AP2A2: variants seen among roughly 807,000 people sequenced by gnomAD.
AP2A2 encodes the protein AP-2 complex subunit alpha-2.
AP2A2 carries 32 observed loss-of-function variants against 104.2 expected under a neutral mutation model. The ratio of observed to expected loss-of-function variants is 0.31; its 90% CI spans 0.23 to 0.41. The LOEUF is 0.41. AP2A2 is among the 10% of genes least tolerant of loss of function. The probability of loss-of-function intolerance (pLI) is 1.00; values close to 1 mark genes in which losing one functional copy is unlikely to be tolerated. For missense variants in AP2A2, 912 were observed against 1,261.0 expected (o/e 0.72, Z 4.19); for synonymous variants, 539 against 533.3 (o/e 1.01, Z -0.15).
intron 1 of AP2A2, among the ~76,000 whole-genome samples, chr11:952,076 C>G (rs1427703520): frequency 1.3e-5 from 2 of 152,158 alleles, no homozygotes; most frequent in Non-Finnish European, 2.9e-5. Context: ...CCTATGTTGC[C>G]TAGGCTGGTC....
intron 1 of AP2A2, among the ~76,000 whole-genome samples, chr11:928,803 C>T (rs1853200431): frequency 6.6e-6 from 1 of 152,212 alleles, no homozygotes; most frequent in Non-Finnish European, 1.5e-5. Context: ...AATCCTCTTT[C>T]CCTCATTGCT....
chr11:1,007,883 G>C, intron 17 of AP2A2, 129 bp from the exon 18 acceptor site: 2 of 1,371,978 alleles, frequency 1.5e-6, no homozygotes, highest in Non-Finnish European at 2.0e-6. Flanking sequence ...GGCTGCCCTC[G>C]ACCCGTAGCT....
chr11:977,593 C>T (rs2134655669), intron 5 of AP2A2, among the ~76,000 whole-genome samples: 1 of 151,518 alleles, frequency 6.6e-6, no homozygotes, highest in East Asian at 2.0e-4. Context: ...GTGCCTACTC[C>T]ACGGGCCAGG....
intron 14 of AP2A2, among the ~76,000 whole-genome samples, chr11:999,512 A>AG (rs1855959690): frequency 6.6e-6 from 1 of 152,150 alleles, no homozygotes; most frequent in South Asian, 2.1e-4. Flanking sequence ...AAACAAAAAC[A>AG]GAGACAGTCT....
intron 1 of AP2A2, among the ~76,000 whole-genome samples, chr11:934,228 G>A (rs1853382223): frequency 6.6e-6 from 1 of 152,140 alleles, no homozygotes. Context: ...AACACTTCTA[G>A]CCGGGGGTTT....
At chr11:1,004,018 G>A (rs553096261) in intron 16 of AP2A2, among the ~76,000 whole-genome samples, 2 of 151,946 alleles carry the variant, frequency 1.3e-5, no homozygotes, top group African/African-American at 2.4e-5. Context: ...AGGGGGTGGC[G>A]GGGAGGTGGG....
chr11:960,327 C>A (rs1192916982), intron 2 of AP2A2, among the ~76,000 whole-genome samples: 1 of 151,834 alleles, frequency 6.6e-6, no homozygotes, highest in East Asian at 1.9e-4. Context: ...ACCGCAACCT[C>A]CGCCTTCCAG....
intron 21 of AP2A2, chr11:1,010,054 C>T (rs1856368570): frequency 1.8e-6 from 1 of 544,904 alleles, no homozygotes; most frequent in Admixed American, 3.1e-5. Flanking sequence ...GTTTAACCAC[C>T]ACCCTGTCAA....
chr11:1,009,289 G>T lies in AP2A2; in HGVS notation c.2538-39G>T. 2.5e-6 allele frequency: 4 copies of T among 1,611,672 alleles called. No individual in the cohort carries two copies. In the East Asian group the frequency reaches 8.9e-5, roughly 36 times the overall value. On this transcript the variant is annotated intron_variant, in intron 19 of 21. Transcript: ENST00000448903. ...TTTGAAAAGGTGGGTTTTGGTCTCT[G>T]GCCTGGCTGAGAACACTCGCCTTTG...
intron 21 of AP2A2, 194 bp from the exon 22 acceptor site, chr11:1,010,354 C>T (rs976475766): frequency 2.1e-4 from 124 of 596,798 alleles, no homozygotes; most frequent in Admixed American, 5.0e-4. Flanking sequence ...ACGTACGAGA[C>T]GCCAGGCGCT....
chr11:997,998 C>G (rs757303107), intron 14 of AP2A2, among the ~76,000 whole-genome samples: 11 of 152,286 alleles, frequency 7.2e-5, no homozygotes, highest in Non-Finnish European at 1.6e-4. Flanking sequence ...AGAGGAGAAA[C>G]TGTCTCCATT....
At chr11:982,635 G>C (rs1855287824) in intron 6 of AP2A2, among the ~76,000 whole-genome samples, 1 of 150,042 alleles carries the variant, frequency 6.7e-6, no homozygotes, top group African/African-American at 2.5e-5. Flanking sequence ...TGAACTTGCA[G>C]TTTTCTTTGT....
In AP2A2 at chr11:935,603, G is replaced by GTTTTTTTTTTTTTTTTTTTTTTTTT. The variant is rs757190222; in HGVS notation, c.67+9537_67+9538insTTTTTTTTTTTTTTTTTTTTTTTTT. On this transcript the variant is annotated intron_variant, in intron 1 of 21. Coordinates refer to ENST00000448903, the MANE Select transcript of AP2A2 (RefSeq NM_012305.4). ...AAGTGTGAGCCACTGTGCCCGGCCA[G>GTTTTTTTTTTTTTTTTTTTTTTTTT]TTTTTTTTTTTTTTTTTTTTTTGAG... Among the ~76,000 whole-genome samples the GTTTTTTTTTTTTTTTTTTTTTTTTT allele has an allele frequency of 4.0e-4, 31 of 77,956 alleles. 4 individuals carry two copies. The South Asian group carries it at 4.1e-3, about 10-fold the overall frequency. The allele number at this position is 77,956 out of a possible 152,430, so 51.1% of individuals were successfully genotyped here.
chr11:964,633 C>G (rs1306510995), intron 2 of AP2A2, among the ~76,000 whole-genome samples: 17 of 152,172 alleles, frequency 1.1e-4, no homozygotes, highest in Non-Finnish European at 7.3e-5. Context: ...TGGTCAATGC[C>G]ACAGTCTCAC....
intron 4 of AP2A2, among the ~76,000 whole-genome samples, chr11:976,254 C>T (rs1211495002): frequency 6.6e-6 from 1 of 152,088 alleles, no homozygotes; most frequent in East Asian, 1.9e-4. Context: ...GGCGTTGGCA[C>T]CCAGAAGGGG....
intron 1 of AP2A2, chr11:956,739 G>T (rs1165323152): frequency 2.0e-5 from 3 of 152,178 alleles, no homozygotes; most frequent in African/African-American, 4.8e-5. Flanking sequence ...CTGAAAGTTT[G>T]ATTGTCACAC....
chr11:1,010,223 C>T (rs1160445342), intron 21 of AP2A2: 7 of 505,576 alleles, frequency 1.4e-5, no homozygotes, highest in Non-Finnish European at 1.8e-5. Context: ...ACACCTGTCT[C>T]CGTTTCACTT....
At chr11:953,680 T>G (rs1442512202) in intron 1 of AP2A2, among the ~76,000 whole-genome samples, 3 of 151,982 alleles carry the variant, frequency 2.0e-5, no homozygotes, top group African/African-American at 7.3e-5. Flanking sequence ...TTTTTCCTGC[T>G]TTTGCGTCGT....
intron 1 of AP2A2, among the ~76,000 whole-genome samples, chr11:936,754 T>C (rs1853471567): frequency 6.6e-6 from 1 of 152,208 alleles, no homozygotes; most frequent in Non-Finnish European, 1.5e-5. Flanking sequence ...TTTGTGTTTC[T>C]TTTAATATTC....
Sources: allele counts gnomAD v4.1 joint callset (sites outside exome capture counted in the v4.1 genomes callset), GRCh38; gene constraint gnomAD v4.1.1; transcripts MANE v1.5; gene names NCBI Gene and HGNC (gene_info 2026-07-23, HGNC 2026-07-21).